The following MYPN variants were observed in gnomAD, a reference collection of about 807,000 sequenced individuals.
The protein encoded by MYPN is myopalladin.
A neutral mutation model predicts 129.4 loss-of-function variants in MYPN; 63 were observed. The observed-to-expected ratio is 0.49, with a 90% confidence interval of 0.40 to 0.60. The LOEUF (loss-of-function observed/expected upper bound fraction) is 0.60, where lower values mean the gene tolerates loss of function less well. MYPN is among the 20% of genes least tolerant of loss of function. The pLI is 0.00. For missense variants in MYPN, 1,596 were observed against 1,635.4 expected (o/e 0.98, Z 0.42); for synonymous variants, 629 against 600.9 (o/e 1.05, Z -0.68).
intron 2 of MYPN, among the ~76,000 whole-genome samples, chr10:68,131,402 GAAC>G (rs1158281378): frequency 3.3e-5 from 5 of 150,120 alleles, no homozygotes; most frequent in Admixed American, 2.0e-4. Flanking sequence ...AAAAAAAAAA[GAAC>G]AACAACAAAA....
At chr10:68,122,501 A>G (rs774937932) in intron 2 of MYPN, among the ~76,000 whole-genome samples, 161 bp downstream of exon 2, 13 of 152,242 alleles carry the variant, frequency 8.5e-5, no homozygotes, top group Admixed American at 2.6e-4. Flanking sequence ...ATGTAAACCT[A>G]GTCACGTATG....
chr10:68,154,545 G>T (rs1439924826), intron 6 of MYPN, among the ~76,000 whole-genome samples: 1 of 152,148 alleles, frequency 6.6e-6, no homozygotes, highest in Non-Finnish European at 1.5e-5. Flanking sequence ...GATTGCATGG[G>T]GCACTTGTGA....
At chr10:68,145,304 G>T (rs1055177310) in intron 3 of MYPN, among the ~76,000 whole-genome samples, 171 bp from the exon 4 acceptor site, 2 of 152,104 alleles carry the variant, frequency 1.3e-5, no homozygotes, top group African/African-American at 4.8e-5. Flanking sequence ...GATTACAGGT[G>T]TGAGCCACCA....
chr10:68,161,903 C>A, intron 8 of MYPN, 151 bp downstream of exon 8: 1 of 611,346 alleles, frequency 1.6e-6, no homozygotes, highest in Non-Finnish European at 2.8e-6. Flanking sequence ...TGGCTCATGT[C>A]TGTAATTCCA....
intron 2 of MYPN, chr10:68,135,504 G>A (rs1201281252): frequency 1.0e-6 from 1 of 984,688 alleles, no homozygotes. Context: ...CTTGGAGAGA[G>A]CTGGAAATGT....
At chr10:68,198,862 G>C (rs974203950) in intron 16 of MYPN, among the ~76,000 whole-genome samples, 2 of 152,106 alleles carry the variant, frequency 1.3e-5, no homozygotes, top group Non-Finnish European at 2.9e-5. Flanking sequence ...GCCCTGTTGG[G>C]GGGATGGGAG....
At chr10:68,106,290 T>G (rs566708344), upstream of MYPN, 235 of 387,876 alleles carry the variant, frequency 6.1e-4, 2 homozygotes, top group South Asian at 4.4e-3. Context: ...AACTTTTAGT[T>G]TTTTTTTTTA....
intron 8 of MYPN, 183 bp from the exon 9 acceptor site, chr10:68,165,519 T>C (rs192370190): frequency 1.5e-6 from 1 of 687,804 alleles, no homozygotes; most frequent in East Asian, 2.8e-5. Flanking sequence ...CTACATTCTT[T>C]GACTCATTTT....
In MYPN at chr10:68,198,381, C is replaced by T. The variant is rs138038077; in HGVS notation, c.3285+903C>T. ...CTATTCTGCATTCTCATTTTTTGAC[C>T]GGGCTCTAGTTGAGCAGCTTGGATA... On this transcript the variant is annotated intron_variant, in intron 16 of 19. Transcript: ENST00000358913. Among the ~76,000 whole-genome samples, 280 of 152,162 alleles carry T rather than the reference C, an allele frequency of 1.8e-3. 2 individuals are homozygous for T. Among genetic ancestry groups the T allele is most frequent in the African/African-American group, 6.5e-3 (268 of 41,542 alleles).
At chr10:68,171,726 A>G (rs571885432) in intron 10 of MYPN, among the ~76,000 whole-genome samples, 2 of 152,322 alleles carry the variant, frequency 1.3e-5, no homozygotes, top group Non-Finnish European at 2.9e-5. Flanking sequence ...ATTTACTCAG[A>G]ACTAGTTTTC....
At chr10:68,138,898 AT>A (rs2042529320) in intron 2 of MYPN, among the ~76,000 whole-genome samples, 1 of 152,066 alleles carries the variant, frequency 6.6e-6, no homozygotes, top group African/African-American at 2.4e-5. Context: ...ACAACTCTTT[AT>A]TTTGATCTTA....
intron 7 of MYPN, 146 bp downstream of exon 7, chr10:68,158,773 C>T: frequency 1.6e-6 from 1 of 622,090 alleles, no homozygotes; most frequent in Middle Eastern, 4.4e-4. Flanking sequence ...GTTAATATTT[C>T]AGTATATGTT....
chr10:68,110,579 A>G (rs541091240), intron 1 of MYPN, among the ~76,000 whole-genome samples: 16 of 152,310 alleles, frequency 1.1e-4, no homozygotes, highest in African/African-American at 2.9e-4. Flanking sequence ...TTCTTTCTCA[A>G]AAAAGTATGA....
rs1334250766 is a variant in MYPN at position 68,187,846 on chromosome 10, GTAGTCATCTGTGTCTAATGCTGCT to G, written c.2704-1055_2704-1032del. Among the ~76,000 whole-genome samples, 8 of 152,284 alleles carry G rather than the reference GTAGTCATCTGTGTCTAATGCTGCT, an allele frequency of 5.3e-5. No individual in the cohort carries two copies. The East Asian group carries it at 1.5e-3, about 29-fold the overall frequency. ...GAAGGAAATGTTTCAAAAGGAAAAAGTAGTCATCTGTGTCTAATGCTGCTTAGATCAAGTAAGGTAAGAATGGAT... is the reference window on the plus strand; with the variant it reads ...GAAGGAAATGTTTCAAAAGGAAAAAGTAGATCAAGTAAGGTAAGAATGGAT... On this transcript the variant is annotated intron_variant, in intron 12 of 19. Coordinates refer to ENST00000358913, the MANE Select transcript of MYPN (RefSeq NM_032578.4).
chr10:68,154,178 G>T (rs543197613), intron 6 of MYPN, among the ~76,000 whole-genome samples: 1 of 152,026 alleles, frequency 6.6e-6, no homozygotes, highest in Non-Finnish European at 1.5e-5. Flanking sequence ...CATCCTCTAC[G>T]CAGTATCAAA....
chr10:68,210,522 G>T lies in MYPN; in HGVS notation c.*67G>T, dbSNP rs1451861158. Reference sequence around the variant, plus strand: ...GGGGGAATGAGAACAAGCCAGACTTGGTGGTTTCCAAGCAACCGAAGTTGA... The same window carrying T: ...GGGGGAATGAGAACAAGCCAGACTTTGTGGTTTCCAAGCAACCGAAGTTGA... On this transcript the variant is annotated 3_prime_UTR_variant, in exon 20 of 20. Transcript: ENST00000358913. The T allele has an allele frequency of 6.3e-7, 1 of 1,597,658 alleles. No homozygotes were observed. Among genetic ancestry groups the T allele is most frequent in the Admixed American group, 1.7e-5 (1 of 59,990 alleles).
Position 68,121,526 on chromosome 10 carries a change from A to T in MYPN, c.88A>T (p.Asn30Tyr). ...AGCTGAAACCAGACATCGGGGAAAC[A>T]ATGAGAGGAGTCGAGCGGAGCCCTC... ...YLAETRHRGN[N>Y]ERSRAEPSSN... Residue 30 changes from asparagine to tyrosine, a missense_variant, in exon 2 of 20, where the codon AAT becomes TAT. Transcript: ENST00000358913. The T allele has an allele frequency of 6.2e-7, 1 of 1,614,232 alleles. No homozygotes were observed. Among genetic ancestry groups the T allele is most frequent in the Non-Finnish European group, 8.5e-7 (1 of 1,180,034 alleles).
chr10:68,208,469 A>T (rs1385805682), intron 19 of MYPN, among the ~76,000 whole-genome samples: 2 of 152,222 alleles, frequency 1.3e-5, no homozygotes, highest in Non-Finnish European at 2.9e-5. Context: ...CCCTGGAGAA[A>T]TCGGGGGAGA....
At chr10:68,101,418 A>T (rs2041981366), upstream of MYPN, among the ~76,000 whole-genome samples, 1 of 152,202 alleles carries the variant, frequency 6.6e-6, no homozygotes, top group Admixed American at 6.5e-5. Flanking sequence ...CACATTTCTG[A>T]TTATACCAAA....
Sources: gnomAD v4.1 joint callset for allele counts (sites outside exome capture counted in the v4.1 genomes callset) on GRCh38, gnomAD v4.1.1 for gene constraint, MANE v1.5 for transcripts, NCBI Gene and HGNC (gene_info 2026-07-23, HGNC 2026-07-21) for gene names.